The following LARGE1 variants were observed in gnomAD, a reference collection of about 807,000 sequenced individuals.
The protein encoded by LARGE1 is xylosyl- and glucuronyltransferase LARGE1.
LARGE1 carries 43 observed loss-of-function variants against 87.6 expected under a neutral mutation model. That is an observed-to-expected ratio of 0.49 (90% CI 0.38 to 0.63). The LOEUF is 0.63. Ranked by LOEUF, LARGE1 falls within the 30% of genes least tolerant of loss-of-function variation. The pLI is 0.00. For missense variants in LARGE1, 802 were observed against 1,000.2 expected (o/e 0.80, Z 2.67); for synonymous variants, 434 against 394.6 (o/e 1.10, Z -1.18).
intron 5 of LARGE1, 94 bp downstream of exon 5, chr22:33,604,341 T>G: frequency 1.1e-4 from 170 of 1,506,060 alleles, no homozygotes; most frequent in Middle Eastern, 1.7e-4. Flanking sequence ...AGTTAGGAGC[T>G]GAGATTTCTG....
At chr22:33,470,403 A>G (rs924312504) in intron 6 of LARGE1, among the ~76,000 whole-genome samples, 2 of 152,214 alleles carry the variant, frequency 1.3e-5, no homozygotes, top group Non-Finnish European at 2.9e-5. Flanking sequence ...AACCTGCCAC[A>G]CAACTTTCAA....
At chr22:33,698,966 C>A (rs934898355) in intron 2 of LARGE1, among the ~76,000 whole-genome samples, 1 of 152,200 alleles carries the variant, frequency 6.6e-6, no homozygotes, top group Non-Finnish European at 1.5e-5. Flanking sequence ...TGGTGACTGG[C>A]ACATAGCACG....
chr22:33,504,667 ATT>A (rs1285146798), intron 6 of LARGE1, among the ~76,000 whole-genome samples: 1 of 152,126 alleles, frequency 6.6e-6, no homozygotes, highest in South Asian at 2.1e-4. Flanking sequence ...GATCAGATGA[ATT>A]TCTCTCTCTA....
At chr22:33,749,195 A>C (rs1048108984) in intron 2 of LARGE1, among the ~76,000 whole-genome samples, 3 of 152,036 alleles carry the variant, frequency 2.0e-5, no homozygotes, top group Non-Finnish European at 4.4e-5. Flanking sequence ...GCTCACCGCA[A>C]CCTCCGCCTC....
At chr22:33,850,800 G>T (rs929643768) in intron 1 of LARGE1, among the ~76,000 whole-genome samples, 1 of 152,072 alleles carries the variant, frequency 6.6e-6, no homozygotes, top group Non-Finnish European at 1.5e-5. Flanking sequence ...ATCTGATGGA[G>T]GAAGAGTTTT....
At chr22:33,501,859 T>G (rs1479323119) in intron 6 of LARGE1, among the ~76,000 whole-genome samples, 2 of 152,132 alleles carry the variant, frequency 1.3e-5, no homozygotes, top group Admixed American at 6.5e-5. Context: ...GACAACCATG[T>G]GCTATGAAGG....
chr22:33,732,701 T>A (rs980313852), intron 2 of LARGE1: 1 of 152,160 alleles, frequency 6.6e-6, no homozygotes, highest in Non-Finnish European at 1.5e-5. Flanking sequence ...GGGAAAAGAT[T>A]GAATGTATAG....
chr22:33,540,967 C>A (rs1164755787), intron 6 of LARGE1, among the ~76,000 whole-genome samples: 1 of 147,832 alleles, frequency 6.8e-6, no homozygotes, highest in African/African-American at 2.5e-5. Context: ...AACCCCATCT[C>A]TATTAAAAAA....
chr22:33,876,391 C>A (rs75387057), intron 1 of LARGE1, among the ~76,000 whole-genome samples: 2 of 151,998 alleles, frequency 1.3e-5, no homozygotes, highest in Non-Finnish European at 2.9e-5. Flanking sequence ...GAGGTGCACT[C>A]GGGTCACTGG....
At chr22:33,882,085 C>T (rs368132604) in intron 1 of LARGE1, among the ~76,000 whole-genome samples, 1 of 151,102 alleles carries the variant, frequency 6.6e-6, no homozygotes, top group African/African-American at 2.4e-5. Flanking sequence ...CTCTGTCACC[C>T]AGGCTGGAGT....
intron 11 of LARGE1, among the ~76,000 whole-genome samples, chr22:33,236,396 T>C (rs1266246870): frequency 6.6e-6 from 1 of 152,206 alleles, no homozygotes; most frequent in African/African-American, 2.4e-5. Flanking sequence ...GACTCAGTAG[T>C]TGTCAGCTTG....
Position 33,817,038 on chromosome 22 carries a change from A to T in LARGE1, c.-82-55480T>A, listed in dbSNP as rs531207927. Among the ~76,000 whole-genome samples the T allele has an allele frequency of 2.0e-5, 3 of 152,276 alleles. No individual in the cohort carries two copies. In the South Asian group the frequency reaches 6.2e-4, roughly 32 times the overall value. On this transcript the variant is annotated intron_variant, in intron 1 of 14. Coordinates refer to ENST00000397394, the MANE Select transcript of LARGE1 (RefSeq NM_133642.5). ...TATACAAACACACACATATACATTTATATGTGTATATATGTGTTTCTATAC... is the reference window on the plus strand; with the variant it reads ...TATACAAACACACACATATACATTTTTATGTGTATATATGTGTTTCTATAC...
intron 5 of LARGE1, 96 bp downstream of exon 5, chr22:33,604,339 G>T: frequency 6.6e-7 from 1 of 1,506,500 alleles, no homozygotes; most frequent in Non-Finnish European, 9.2e-7. Flanking sequence ...TCAGTTAGGA[G>T]CTGAGATTTC....
At chr22:33,193,719 G>A (rs968865107) in intron 11 of LARGE1, among the ~76,000 whole-genome samples, 1 of 152,030 alleles carries the variant, frequency 6.6e-6, no homozygotes, top group Non-Finnish European at 1.5e-5. Flanking sequence ...TCAGGAGGCT[G>A]AAGCATGAGA....
intron 10 of LARGE1, among the ~76,000 whole-genome samples, chr22:33,334,827 T>C (rs1938237595): frequency 6.6e-6 from 1 of 152,012 alleles, no homozygotes; most frequent in Non-Finnish European, 1.5e-5. Context: ...AGTCTCTAAG[T>C]TCAACCCCCG....
intron 2 of LARGE1, among the ~76,000 whole-genome samples, chr22:33,747,067 G>A (rs1463729400): frequency 6.6e-6 from 1 of 152,210 alleles, no homozygotes; most frequent in African/African-American, 2.4e-5. Context: ...TGCCCCAGGT[G>A]ATTCTTATCA....
At chr22:33,371,913 G>A (rs1255068033) in intron 9 of LARGE1, among the ~76,000 whole-genome samples, 1 of 151,814 alleles carries the variant, frequency 6.6e-6, no homozygotes, top group Non-Finnish European at 1.5e-5. Flanking sequence ...GAATGTGGGA[G>A]GCAGAGCTTG....
the LARGE1 span, among the ~76,000 whole-genome samples, chr22:33,134,255 C>CT: frequency 0.02 from 2,450 of 124,318 alleles, 64 homozygotes; most frequent in African/African-American, 0.046. Context: ...AAAGAACTCC[C>CT]TTTTTTTTTT....
intron 11 of LARGE1, among the ~76,000 whole-genome samples, chr22:33,234,637 G>A (rs1164330353): frequency 1.3e-5 from 2 of 152,136 alleles, no homozygotes; most frequent in Admixed American, 6.5e-5. Context: ...CACCTCCCAG[G>A]TTCAAGCAAT....
Sources: allele counts gnomAD v4.1 joint callset (sites outside exome capture counted in the v4.1 genomes callset), GRCh38; gene constraint gnomAD v4.1.1; transcripts MANE v1.5; gene names NCBI Gene and HGNC (gene_info 2026-07-23, HGNC 2026-07-21).